CECR2: variants seen among roughly 807,000 people sequenced by gnomAD.
The protein encoded by CECR2 is CECR2 histone acetyl-lysine reader.
CECR2 carries 30 observed loss-of-function variants against 154.5 expected under a neutral mutation model. The ratio of observed to expected loss-of-function variants is 0.19; its 90% CI spans 0.15 to 0.26. CECR2 has a LOEUF of 0.26. Ranked by LOEUF, CECR2 falls within the 10% of genes least tolerant of loss-of-function variation. The pLI, the probability that CECR2 is intolerant of heterozygous loss-of-function variation, is 1.00. For missense variants in CECR2, 1,743 were observed against 1,829.3 expected, an observed-to-expected ratio of 0.95 and a Z score of 0.86; for synonymous variants, 725 against 683.7, an observed-to-expected ratio of 1.06 and a Z score of -0.94.
chr22:17,425,691 G>A (rs1037829293), intron 1 of CECR2, among the ~76,000 whole-genome samples: 1 of 152,102 alleles, frequency 6.6e-6, no homozygotes, highest in Non-Finnish European at 1.5e-5. Flanking sequence ...ATTCTAGACA[G>A]TGGAAACTAT....
intron 1 of CECR2, among the ~76,000 whole-genome samples, chr22:17,476,591 G>A (rs777214062): frequency 6.6e-6 from 1 of 152,154 alleles, no homozygotes; most frequent in Non-Finnish European, 1.5e-5. Context: ...TTGCTGTTAA[G>A]ATCACAACTT....
rs182473287 is a variant in CECR2 at position 17,532,537 on chromosome 22, T to C, written c.1109-4566T>C. Among the ~76,000 whole-genome samples the C allele has an allele frequency of 1.4e-4, 22 of 152,218 alleles. No homozygotes were observed. In the East Asian group the frequency reaches 2.5e-3, roughly 17 times the overall value. On this transcript the variant is annotated intron_variant, in intron 9 of 18. Coordinates refer to ENST00000262608, the MANE Select transcript of CECR2 (RefSeq NM_001290047.2). Reference sequence around the variant, plus strand: ...GGATAAACACAAGGATTTCCTCTATTGTTTCCATTTAATATTGTATTGTAA... The same window carrying C: ...GGATAAACACAAGGATTTCCTCTATCGTTTCCATTTAATATTGTATTGTAA...
At chr22:17,478,424 C>T (rs1295371457) in intron 2 of CECR2, among the ~76,000 whole-genome samples, 1 of 150,760 alleles carries the variant, frequency 6.6e-6, no homozygotes, top group African/African-American at 2.4e-5. Context: ...GGCGCAATCC[C>T]GGCTCACTGC....
At chr22:17,509,493 G>C (rs1323143490) in intron 7 of CECR2, among the ~76,000 whole-genome samples, 1 of 150,890 alleles carries the variant, frequency 6.6e-6, no homozygotes, top group Admixed American at 6.6e-5. Context: ...GCAGTAGCGT[G>C]ATCATAGCTC....
chr22:17,540,635 A>G lies in CECR2; in HGVS notation c.1719A>G (p.Gly573=). 6.2e-7 allele frequency: 1 copy of G among 1,613,870 alleles called. No homozygotes were observed. The highest frequency in any genetic ancestry group is 8.5e-7 in the Non-Finnish European group (1 of 1,179,852). Residue 573 remains glycine (G), a synonymous_variant, in exon 14 of 19, where the codon GGA becomes GGG. Transcript: ENST00000262608. ...GGAAACAGCAGCCCATGGAGAATGGAGGAAAGTCGTTGCCCCCCACACGCC... is the reference window on the plus strand; with the variant it reads ...GGAAACAGCAGCCCATGGAGAATGGGGGAAAGTCGTTGCCCCCCACACGCC... The part of the protein sequence containing the change: ...SSRKQQPMEN[G]GKSLPPTRRA...
At chr22:17,387,773 G>A (rs545511557) in intron 1 of CECR2, among the ~76,000 whole-genome samples, 89 of 152,216 alleles carry the variant, frequency 5.8e-4, no homozygotes, top group African/African-American at 2.1e-3. Flanking sequence ...AATACTCATC[G>A]GGTAGAGGGA....
At chr22:17,482,407 G>C (rs1463857497) in intron 2 of CECR2, among the ~76,000 whole-genome samples, 1 of 152,178 alleles carries the variant, frequency 6.6e-6, no homozygotes, top group African/African-American at 2.4e-5. Flanking sequence ...CTGGGCGACA[G>C]AGCGAGACAA....
At chr22:17,442,053 C>G (rs556304005) in intron 1 of CECR2, among the ~76,000 whole-genome samples, 2 of 152,284 alleles carry the variant, frequency 1.3e-5, no homozygotes, top group South Asian at 4.1e-4. Flanking sequence ...AAACTCTGGT[C>G]TCTTTGAAAT....
intron 2 of CECR2, 58 bp from the exon 3 acceptor site, chr22:17,497,345 C>A: frequency 6.7e-7 from 1 of 1,502,626 alleles, no homozygotes; most frequent in Non-Finnish European, 9.0e-7. Flanking sequence ...CTCTCTCCTT[C>A]TCCCAACCAA....
At chr22:17,415,237 GTTCTTCTTTT>G (rs2054139147) in intron 1 of CECR2, among the ~76,000 whole-genome samples, 1 of 151,726 alleles carries the variant, frequency 6.6e-6, no homozygotes, top group Admixed American at 6.6e-5. Context: ...CTCCTTCTTT[GTTCTTCTTTT>G]TTTCTTCTTC....
At chr22:17,403,739 CTT>C (rs1281799111) in intron 1 of CECR2, among the ~76,000 whole-genome samples, 1 of 152,102 alleles carries the variant, frequency 6.6e-6, no homozygotes, top group Non-Finnish European at 1.5e-5. Flanking sequence ...AAATTGGACT[CTT>C]TGTCTATTGA....
intron 2 of CECR2, among the ~76,000 whole-genome samples, chr22:17,492,995 A>G (rs1426268587): frequency 6.6e-6 from 1 of 151,428 alleles, no homozygotes; most frequent in African/African-American, 2.4e-5. Flanking sequence ...TTTTTGAGAC[A>G]GAGTCTGGCT....
Position 17,410,128 on chromosome 22 carries a change from C to T in CECR2, c.126+40219C>T, listed in dbSNP as rs563976319. 3.3e-5 allele frequency among the ~76,000 whole-genome samples: 5 copies of T among 151,628 alleles called. No homozygotes were observed. In the South Asian group the frequency reaches 6.3e-4, roughly 19 times the overall value. ...TCCCGAGTAGCTGAGATTACAGGCA[C>T]GCACCACCACACCCAGCTAGTTTTT... On this transcript the variant is annotated intron_variant, in intron 1 of 18. Coordinates refer to ENST00000262608, the MANE Select transcript of CECR2 (RefSeq NM_001290047.2).
At chr22:17,398,997 T>C (rs142088611) in intron 1 of CECR2, among the ~76,000 whole-genome samples, 91 of 152,286 alleles carry the variant, frequency 6.0e-4, no homozygotes, top group East Asian at 5.8e-4. Flanking sequence ...CCTGGGAATG[T>C]GTTAGAAATG....
At chr22:17,373,743 C>A (rs1419208652) in intron 1 of CECR2, among the ~76,000 whole-genome samples, 1 of 152,100 alleles carries the variant, frequency 6.6e-6, no homozygotes, top group Non-Finnish European at 1.5e-5. Context: ...ATCATTAAGC[C>A]CCTACTTTGT....
intron 1 of CECR2, among the ~76,000 whole-genome samples, chr22:17,384,300 T>G (rs1401382963): frequency 6.6e-6 from 1 of 152,188 alleles, no homozygotes; most frequent in East Asian, 1.9e-4. Flanking sequence ...CCCAGACTGG[T>G]CTTGACTTCC....
At chr22:17,464,988 A>G (rs2055003826) in intron 1 of CECR2, among the ~76,000 whole-genome samples, 1 of 135,558 alleles carries the variant, frequency 7.4e-6, no homozygotes, top group African/African-American at 2.7e-5. Flanking sequence ...TTAAAACATC[A>G]ATATTTAAAT....
At chr22:17,478,626 A>G (rs1431777799) in intron 2 of CECR2, among the ~76,000 whole-genome samples, 2 of 152,166 alleles carry the variant, frequency 1.3e-5, no homozygotes, top group African/African-American at 4.8e-5. Flanking sequence ...AAGTGCTGGG[A>G]TTACAGGCGT....
At chr22:17,391,078 GTCTACCCCTTCATAGTTTCAC>G (rs2063320863) in intron 1 of CECR2, among the ~76,000 whole-genome samples, 1 of 152,184 alleles carries the variant, frequency 6.6e-6, no homozygotes, top group Non-Finnish European at 1.5e-5. Context: ...TGTCATGAGA[GTCTACCCCTTCATAGTTTCAC>G]ATGTACATGT....
Sources: gnomAD v4.1 joint callset for allele counts (sites outside exome capture counted in the v4.1 genomes callset) on GRCh38, gnomAD v4.1.1 for gene constraint, MANE v1.5 for transcripts, NCBI Gene and HGNC (gene_info 2026-07-23, HGNC 2026-07-21) for gene names.